The following LDLRAD3 variants were observed in gnomAD, a reference collection of about 807,000 sequenced individuals.
The protein encoded by LDLRAD3 is low-density lipoprotein receptor class A domain-containing protein 3.
A neutral mutation model predicts 29.4 loss-of-function variants in LDLRAD3; 20 were observed. That is an observed-to-expected ratio of 0.68 (90% confidence interval 0.48 to 0.99). The LOEUF (loss-of-function observed/expected upper bound fraction) is 0.99, where lower values mean the gene tolerates loss of function less well. LDLRAD3 is among the 50% of genes least tolerant of loss of function. The probability of loss-of-function intolerance (pLI) is 0.00; values close to 1 mark genes in which losing one functional copy is unlikely to be tolerated. For synonymous variants in LDLRAD3, 157 were observed against 192.7 expected, an observed-to-expected ratio of 0.81 and a Z score of 1.53; for missense variants, 420 against 454.3, an observed-to-expected ratio of 0.92 and a Z score of 0.69.
chr11:36,221,517 A>T (rs894011216), intron 4 of LDLRAD3, among the ~76,000 whole-genome samples: 1 of 152,108 alleles, frequency 6.6e-6, no homozygotes, highest in Non-Finnish European at 1.5e-5. Flanking sequence ...CAATAAAGGA[A>T]CTGAGCCAGG....
At position 35,951,774 on chromosome 11, in the gene LDLRAD3, C is replaced by T. The variant is rs147485346; in HGVS notation, c.46+7630C>T. 4.9e-3 allele frequency among the ~76,000 whole-genome samples: 753 copies of T among 152,324 alleles called. 13 individuals carry two copies. Among genetic ancestry groups the T allele is most frequent in the African/African-American group, 0.018 (734 of 41,574 alleles). ...GAAGGACATTCTAAATAGCAGGTCA[C>T]TTCAACCTGTGTAGTACCAGCCATG... is the stretch of plus-strand genomic sequence containing the variant. On this transcript the variant is annotated intron_variant, in intron 1 of 5. Transcript: ENST00000315571.
At chr11:35,990,788 C>G (rs1292339777) in intron 1 of LDLRAD3, among the ~76,000 whole-genome samples, 2 of 152,188 alleles carry the variant, frequency 1.3e-5, no homozygotes, top group African/African-American at 4.8e-5. Flanking sequence ...GGATACCACT[C>G]ATTGCATTAG....
intron 4 of LDLRAD3, among the ~76,000 whole-genome samples, chr11:36,148,743 G>A (rs927063940): frequency 6.6e-6 from 1 of 152,146 alleles, no homozygotes; most frequent in African/African-American, 2.4e-5. Flanking sequence ...AGACTCCCAA[G>A]CTATATCTTC....
At chr11:35,949,828 G>C (rs962121716) in intron 1 of LDLRAD3, among the ~76,000 whole-genome samples, 1 of 152,200 alleles carries the variant, frequency 6.6e-6, no homozygotes, top group African/African-American at 2.4e-5. Context: ...GTGGCACCCA[G>C]AGGAGGACGA....
chr11:36,132,232 G>C (rs1853937137), intron 4 of LDLRAD3, among the ~76,000 whole-genome samples: 1 of 152,156 alleles, frequency 6.6e-6, no homozygotes, highest in African/African-American at 2.4e-5. Flanking sequence ...GCGGAAGACG[G>C]AAAATAAAGG....
intron 3 of LDLRAD3, among the ~76,000 whole-genome samples, chr11:36,084,242 A>G (rs1432324614): frequency 6.6e-6 from 1 of 152,124 alleles, no homozygotes; most frequent in Non-Finnish European, 1.5e-5. Flanking sequence ...TAATTTTCTA[A>G]ATGAGTAAAT....
At chr11:36,145,795 T>C (rs1854182606) in intron 4 of LDLRAD3, among the ~76,000 whole-genome samples, 1 of 150,740 alleles carries the variant, frequency 6.6e-6, no homozygotes, top group Non-Finnish European at 1.5e-5. Flanking sequence ...GTTAAACAGA[T>C]GCTTGAAGGC....
At chr11:36,055,800 G>A (rs1040291301) in intron 2 of LDLRAD3, among the ~76,000 whole-genome samples, 5 of 152,164 alleles carry the variant, frequency 3.3e-5, no homozygotes, top group Admixed American at 6.5e-5. Context: ...TTACCTTCAA[G>A]CACCCTTACA....
At chr11:36,201,289 A>G (rs1855123878) in intron 4 of LDLRAD3, among the ~76,000 whole-genome samples, 2 of 152,118 alleles carry the variant, frequency 1.3e-5, no homozygotes, top group East Asian at 3.9e-4. Context: ...AAAAATAGAG[A>G]TGTGAGTTCT....
rs76969683 is a variant in LDLRAD3 at position 36,064,047 on chromosome 11, A to G, written c.194-17606A>G. ...ATTTTAAGTCTTTCAATTTTTGAAC[A>G]TGGTTTGGCTTTCTGTTTACTTAGG... On this transcript the variant is annotated intron_variant, in intron 2 of 5. Transcript: ENST00000315571. Among the ~76,000 whole-genome samples, 846 of 152,214 alleles carry G rather than the reference A, an allele frequency of 5.6e-3. 6 individuals carry two copies. The highest frequency in any genetic ancestry group is 0.019 in the African/African-American group (808 of 41,536).
intron 4 of LDLRAD3, among the ~76,000 whole-genome samples, chr11:36,170,557 T>G (rs1854584115): frequency 6.6e-6 from 1 of 152,034 alleles, no homozygotes; most frequent in Non-Finnish European, 1.5e-5. Context: ...TAGATCTACT[T>G]TTAGTTCTTT....
chr11:36,181,036 G>C (rs1241917432), intron 4 of LDLRAD3, among the ~76,000 whole-genome samples: 1 of 152,122 alleles, frequency 6.6e-6, no homozygotes, highest in Non-Finnish European at 1.5e-5. Context: ...GAAATTCAGT[G>C]TGGCCTTGGG....
intron 1 of LDLRAD3, among the ~76,000 whole-genome samples, chr11:35,961,366 T>C (rs1851275691): frequency 6.6e-6 from 1 of 152,174 alleles, no homozygotes; most frequent in East Asian, 1.9e-4. Flanking sequence ...AACCAAACAG[T>C]CTGAGGTCAG....
chr11:35,956,897 G>A (rs1180349026), intron 1 of LDLRAD3, among the ~76,000 whole-genome samples: 4 of 152,058 alleles, frequency 2.6e-5, no homozygotes, highest in African/African-American at 4.8e-5. Context: ...CACTACGCCC[G>A]GCTAATTTTT....
chr11:36,108,252 A>G (rs55980955), intron 4 of LDLRAD3, among the ~76,000 whole-genome samples: 29,271 of 143,834 alleles, frequency 0.2, 3,037 homozygotes, highest in Admixed American at 0.28. Context: ...CCCAGGAGGC[A>G]GAGCTTCCAG....
intron 4 of LDLRAD3, among the ~76,000 whole-genome samples, chr11:36,113,436 T>TA (rs1178814303): frequency 8.3e-4 from 121 of 146,300 alleles, no homozygotes; most frequent in African/African-American, 2.3e-3. Context: ...AGACTGAAAT[T>TA]AAAAAAAAAA....
At chr11:36,109,480 A>G (rs1853577245) in intron 4 of LDLRAD3, among the ~76,000 whole-genome samples, 1 of 152,196 alleles carries the variant, frequency 6.6e-6, no homozygotes, top group Non-Finnish European at 1.5e-5. Context: ...CCATGGGGAT[A>G]CTAATTTTGT....
intron 2 of LDLRAD3, among the ~76,000 whole-genome samples, chr11:36,078,714 T>G (rs1853059432): frequency 6.6e-6 from 1 of 152,010 alleles, no homozygotes; most frequent in Admixed American, 6.6e-5. Flanking sequence ...CACTGTAGAG[T>G]GTGGCACTGC....
At chr11:36,215,437 G>A (rs972417884) in intron 4 of LDLRAD3, among the ~76,000 whole-genome samples, 2 of 152,150 alleles carry the variant, frequency 1.3e-5, no homozygotes, top group Admixed American at 1.3e-4. Context: ...CAGGTGGAAG[G>A]GACAGTGGCT....
Sources: gnomAD v4.1 joint callset for allele counts (sites outside exome capture counted in the v4.1 genomes callset) on GRCh38, gnomAD v4.1.1 for gene constraint, MANE v1.5 for transcripts, NCBI Gene and HGNC (gene_info 2026-07-23, HGNC 2026-07-21) for gene names.